FRAS1: variants seen among roughly 807,000 people sequenced by gnomAD.
The protein encoded by FRAS1 is extracellular matrix organizing protein FRAS1.
Under a neutral mutation model 435.2 loss-of-function variants are expected in FRAS1, and 290 were observed. The observed-to-expected ratio is 0.67, with a 90% CI of 0.61 to 0.73. FRAS1 has a LOEUF of 0.73. FRAS1 is among the 30% of genes least tolerant of loss of function. FRAS1 has a pLI of 0.00. For missense variants in FRAS1, 4,860 were observed against 5,001.5 expected (o/e 0.97, Z 0.85); for synonymous variants, 1,800 against 1,851.0 (o/e 0.97, Z 0.71).
chr4:78,363,074 T>C (rs2100483), intron 20 of FRAS1, among the ~76,000 whole-genome samples: 68,682 of 151,830 alleles, frequency 0.45, 15,585 homozygotes, highest in East Asian at 0.54. Flanking sequence ...CACCAGGGAC[T>C]CACCCGCCCT....
At chr4:78,301,720 T>C (rs900135445) in intron 14 of FRAS1, among the ~76,000 whole-genome samples, 1 of 152,190 alleles carries the variant, frequency 6.6e-6, no homozygotes, top group Non-Finnish European at 1.5e-5. Context: ...CATTAAGCAG[T>C]CCTTCTTTCT....
At chr4:78,259,614 G>A (rs1725976516) in intron 6 of FRAS1, among the ~76,000 whole-genome samples, 1 of 150,082 alleles carries the variant, frequency 6.7e-6, no homozygotes, top group Non-Finnish European at 1.5e-5. Flanking sequence ...TTAGCCCTTT[G>A]TCAGATGAGT....
chr4:78,161,358 G>A (rs925824115), intron 2 of FRAS1, among the ~76,000 whole-genome samples: 3 of 151,988 alleles, frequency 2.0e-5, no homozygotes, highest in Admixed American at 6.6e-5. Context: ...TGGTAAAGAC[G>A]TCGGGTTTGG....
intron 2 of FRAS1, among the ~76,000 whole-genome samples, chr4:78,084,963 C>G (rs1878438): frequency 0.67 from 101,796 of 151,916 alleles, 35,460 homozygotes; most frequent in East Asian, 0.88. Flanking sequence ...TTCTGAAACA[C>G]TTATTTCCCA....
chr4:78,059,086 C>G (rs1351240244), intron 1 of FRAS1, among the ~76,000 whole-genome samples: 1 of 152,212 alleles, frequency 6.6e-6, no homozygotes, highest in South Asian at 2.1e-4. Context: ...AGTTCACCTG[C>G]CCAGCCGCAA....
chr4:78,201,954 G>C (rs1723066541), intron 2 of FRAS1, among the ~76,000 whole-genome samples: 1 of 152,152 alleles, frequency 6.6e-6, no homozygotes, highest in Non-Finnish European at 1.5e-5. Context: ...CTTTAAACCA[G>C]AGGGTCTCAA....
chr4:78,452,921 G>A (rs1255616938), intron 47 of FRAS1, among the ~76,000 whole-genome samples: 1 of 152,238 alleles, frequency 6.6e-6, no homozygotes, highest in Non-Finnish European at 1.5e-5. Context: ...TTAAAAGTGG[G>A]AGAGGCTACA....
At chr4:78,247,715 A>G (rs1414924635) in intron 4 of FRAS1, among the ~76,000 whole-genome samples, 1 of 152,126 alleles carries the variant, frequency 6.6e-6, no homozygotes, top group African/African-American at 2.4e-5. Flanking sequence ...AGCAGTTTCC[A>G]GGGTACTTTT....
intron 67 of FRAS1, among the ~76,000 whole-genome samples, chr4:78,519,838 CA>C (rs1560424001): frequency 1.3e-5 from 2 of 152,122 alleles, no homozygotes. Context: ...TTTTACAGAG[CA>C]AAAGGATCTT....
Position 78,372,929 on chromosome 4 carries a change from A to G in FRAS1, c.3010+71A>G, listed in dbSNP as rs1235196096. On this transcript the variant is annotated intron_variant, in intron 24 of 73. Transcript: ENST00000512123. ...ACCTCTGATTTGTACTGTTCTCAGAAGGAAACAGTGGCAAGTTTCCCCTTC... is the reference window on the plus strand; with the variant it reads ...ACCTCTGATTTGTACTGTTCTCAGAGGGAAACAGTGGCAAGTTTCCCCTTC... 7 of 1,459,044 alleles carry G rather than the reference A, an allele frequency of 4.8e-6. No homozygotes were observed. In the East Asian group the frequency reaches 1.8e-4, roughly 38 times the overall value. The allele number at this position is 1,459,044 out of a possible 1,614,324, so 90.4% of individuals were successfully genotyped here. A position where few individuals can be genotyped will look rare whatever the true frequency, so the allele number is the denominator to read the frequency against.
intron 2 of FRAS1, among the ~76,000 whole-genome samples, chr4:78,174,745 G>A (rs1385148567): frequency 6.6e-6 from 1 of 152,178 alleles, no homozygotes; most frequent in East Asian, 1.9e-4. Context: ...TTAAAAATCT[G>A]GTAAGATGGG....
Position 78,432,497 on chromosome 4 carries a change from TCC to T in FRAS1, c.5112_5113del (p.Leu1705ValfsTer21). The T allele has an allele frequency of 1.2e-6, 2 of 1,613,200 alleles. No individual in the cohort carries two copies. The highest frequency in any genetic ancestry group is 8.5e-7 in the Non-Finnish European group (1 of 1,179,598). On this transcript the variant is annotated frameshift_variant, in exon 38 of 74. Coordinates refer to ENST00000512123, the MANE Select transcript of FRAS1 (RefSeq NM_025074.7). LOFTEE classifies it high-confidence loss of function. ...VTMLEVRVEV[S>X]LSEDRGPRLA... ...AATGCTGGAGGTGAGAGTAGAGGTG[TCC>T]CTGTCAGAAGACCGAGGGCCTCGAC...
At chr4:78,104,361 T>G (rs535214913) in intron 2 of FRAS1, among the ~76,000 whole-genome samples, 6 of 152,292 alleles carry the variant, frequency 3.9e-5, no homozygotes, top group Non-Finnish European at 7.4e-5. Flanking sequence ...CCTGAGATAG[T>G]AAGAAGTTAG....
chr4:78,063,700 G>A (rs1017312504), intron 1 of FRAS1, among the ~76,000 whole-genome samples: 2 of 152,226 alleles, frequency 1.3e-5, no homozygotes, highest in African/African-American at 4.8e-5. Context: ...AATAGGTTTT[G>A]ATATGGGTAC....
intron 1 of FRAS1, among the ~76,000 whole-genome samples, chr4:78,062,495 T>G (rs1739803107): frequency 6.6e-6 from 1 of 152,186 alleles, no homozygotes. Flanking sequence ...AATCTTTTTG[T>G]ATCTTAATGG....
At chr4:78,392,730 C>T (rs1214908153) in intron 29 of FRAS1, among the ~76,000 whole-genome samples, 2 of 117,412 alleles carry the variant, frequency 1.7e-5, no homozygotes, top group Non-Finnish European at 3.5e-5. Flanking sequence ...TAAAACATTA[C>T]TGGGCATTCA....
At chr4:78,126,212 A>C (rs1357804902) in intron 2 of FRAS1, among the ~76,000 whole-genome samples, 1 of 152,134 alleles carries the variant, frequency 6.6e-6, no homozygotes, top group Non-Finnish European at 1.5e-5. Flanking sequence ...CGAGCCAGGC[A>C]CAGGAGGGGA....
chr4:78,303,441 C>T lies in FRAS1; in HGVS notation c.1535-4625C>T, dbSNP rs886245335. ...GGGATGGCATTGAATCTGTAAATTA[C>T]GTTGGGCAGTATGGCTATTTTCACG... On this transcript the variant is annotated intron_variant, in intron 14 of 73. Transcript: ENST00000512123. Among the ~76,000 whole-genome samples, 7 of 152,268 alleles carry T rather than the reference C, an allele frequency of 4.6e-5. No homozygotes were observed. In the South Asian group the frequency reaches 6.2e-4, roughly 14 times the overall value.
At chr4:78,501,301 C>CT (rs1392670061) in intron 61 of FRAS1, among the ~76,000 whole-genome samples, 1 of 152,044 alleles carries the variant, frequency 6.6e-6, no homozygotes, top group East Asian at 1.9e-4. Context: ...AGAACTCATC[C>CT]TTTTTTATGG....
Sources: allele counts gnomAD v4.1 joint callset (sites outside exome capture counted in the v4.1 genomes callset), GRCh38; gene constraint gnomAD v4.1.1; transcripts MANE v1.5; gene names NCBI Gene and HGNC (gene_info 2026-07-23, HGNC 2026-07-21).